ZNF165: variants seen among roughly 807,000 people sequenced by gnomAD.
The protein encoded by ZNF165 is zinc finger protein 165.
Under a neutral mutation model 19.6 loss-of-function variants are expected in ZNF165, and 14 were observed. That is an observed-to-expected ratio of 0.71 (90% CI 0.47 to 1.12). The LOEUF (loss-of-function observed/expected upper bound fraction) is 1.12. Ranked by LOEUF, ZNF165 falls within the 50% of genes most tolerant of loss-of-function variation. ZNF165 has a pLI of 0.00. For synonymous variants in ZNF165, 165 were observed against 195.0 expected (o/e 0.85, Z 1.28); for missense variants, 504 against 566.3 (o/e 0.89, Z 1.12).
intron 1 of ZNF165, among the ~76,000 whole-genome samples, chr6:28,082,708 T>C (rs1002758034): frequency 6.6e-6 from 1 of 152,260 alleles, no homozygotes; most frequent in East Asian, 1.9e-4. Flanking sequence ...GCAGAGATTT[T>C]GTTCATGGCC....
At chr6:28,082,492 A>G (rs1344127702) in intron 1 of ZNF165, among the ~76,000 whole-genome samples, 1 of 152,244 alleles carries the variant, frequency 6.6e-6, no homozygotes, top group Non-Finnish European at 1.5e-5. Context: ...TACTGAAAGT[A>G]TTCCTTACGG....
chr6:28,084,905 T>A (rs1190488751), intron 1 of ZNF165, among the ~76,000 whole-genome samples: 1 of 152,240 alleles, frequency 6.6e-6, no homozygotes, highest in Non-Finnish European at 1.5e-5. Flanking sequence ...AATTTTCTTA[T>A]ACAAACCTAC....
Position 28,086,303 on chromosome 6 carries a change from G to A in ZNF165, c.543G>A (p.Trp181Ter), listed in dbSNP as rs759521504. 1.2e-6 allele frequency: 2 copies of A among 1,613,050 alleles called. No individual in the cohort carries two copies. Among genetic ancestry groups the A allele is most frequent in the Non-Finnish European group, 1.7e-6 (2 of 1,179,706 alleles). Reference sequence around the variant, plus strand: ...ATTCATCAGAACCCCAGCTCCTATGGGACTGTGGTGAGGGGCAGAATGCCA... The same window carrying A: ...ATTCATCAGAACCCCAGCTCCTATGAGACTGTGGTGAGGGGCAGAATGCCA... The part of the protein sequence containing the change: ...HFDSSEPQLL[W>*]DCDNESENSR... Residue 181 changes from tryptophan to a stop codon, truncating the protein, a stop_gained, in exon 3 of 4, where the codon TGG becomes TGA. Transcript: ENST00000683778. LOFTEE classifies it low-confidence loss of function (END_TRUNC).
At chr6:28,088,401 T>C (rs1207425041) in intron 3 of ZNF165, among the ~76,000 whole-genome samples, 162 bp from the exon 4 acceptor site, 1 of 152,256 alleles carries the variant, frequency 6.6e-6, no homozygotes, top group Non-Finnish European at 1.5e-5. Context: ...CTCTTACCAA[T>C]GTTTCTTTCA....
In ZNF165 at chr6:28,088,991, A is replaced by C; in HGVS notation, c.979A>C (p.Lys327Gln). The C allele has an allele frequency of 6.2e-7, 1 of 1,614,208 alleles. No homozygotes were observed. Among genetic ancestry groups the C allele is most frequent in the Non-Finnish European group, 8.5e-7 (1 of 1,180,006 alleles). The change falls in exon 4 of 4, where the codon AAG becomes CAG. Residue 327 changes from lysine to glutamine, a missense_variant. By Grantham distance (53) the Lys-to-Gln change is moderately conservative. Coordinates refer to ENST00000683778, the MANE Select transcript of ZNF165 (RefSeq NM_001376491.1). ...EKNHQYGKSF[K>Q]SPKLAKHAAV... The stretch of plus-strand genomic sequence containing the variant: ...AAATCACCAATATGGAAAATCTTTC[A>C]AGAGCCCAAAACTTGCTAAACATGC...
In ZNF165 at chr6:28,089,192, C is replaced by T. The variant is rs145435110; in HGVS notation, c.1180C>T (p.His394Tyr). ...SSDLTRHRRI[H>Y]TGERPFGCKE... ...AGATCTTACTAGACATCGGCGAATT[C>T]ACACTGGGGAAAGACCCTTTGGTTG... Residue 394 changes from histidine (H) to tyrosine (Y), a missense_variant, in exon 4 of 4, where the codon CAC becomes TAC. Physicochemically the swap from His to Tyr is moderately conservative, Grantham distance 83. Transcript: ENST00000683778. 7.1e-5 allele frequency: 114 copies of T among 1,614,210 alleles called. No homozygotes were observed. The highest frequency in any genetic ancestry group is 6.6e-4 in the Middle Eastern group (4 of 6,062).
chr6:28,086,724 A>G (rs757229055), intron 3 of ZNF165, among the ~76,000 whole-genome samples: 24 of 152,126 alleles, frequency 1.6e-4, no homozygotes, highest in South Asian at 2.1e-4. Flanking sequence ...GGAAAAAAAA[A>G]AGAGAGAGAG....
intron 1 of ZNF165, 110 bp from the exon 2 acceptor site, chr6:28,085,370 TG>T: frequency 2.7e-6 from 3 of 1,115,912 alleles, no homozygotes; most frequent in Non-Finnish European, 3.8e-6. Context: ...TTTTATTATG[TG>T]GTCTTTCATC....
intron 3 of ZNF165, 104 bp from the exon 4 acceptor site, chr6:28,088,459 A>G (rs908546252): frequency 1.3e-4 from 115 of 907,946 alleles, no homozygotes; most frequent in Admixed American, 2.7e-4. Flanking sequence ...GTGAAAGGTC[A>G]TATATTAAAG....
Position 28,089,126 on chromosome 6 carries a change from T to A in ZNF165, c.1114T>A (p.Tyr372Asn). The A allele has an allele frequency of 6.2e-7, 1 of 1,614,178 alleles. No individual in the cohort carries two copies. Among genetic ancestry groups the A allele is most frequent in the Non-Finnish European group, 8.5e-7 (1 of 1,180,012 alleles). ...GAGAATCCACACTGGAGAGAGATGC[T>A]ATGAATGTAATGAATGTGGGAAAAG... ...HQRIHTGERC[Y>N]ECNECGKSFA... Residue 372 changes from tyrosine (Y) to asparagine (N), a missense_variant, in exon 4 of 4, where the codon TAT (tyrosine) becomes AAT (asparagine). By Grantham distance (143) the Tyr-to-Asn change is moderately radical. Coordinates refer to ENST00000683778, the MANE Select transcript of ZNF165 (RefSeq NM_001376491.1).
chr6:28,086,050 T>A, intron 2 of ZNF165, 122 bp from the exon 3 acceptor site: 1 of 1,507,480 alleles, frequency 6.6e-7, no homozygotes, highest in South Asian at 1.3e-5. Context: ...CATTTTACAA[T>A]TAAATCAGAC....
chr6:28,086,345 A>C, intron 3 of ZNF165, 35 bp downstream of exon 3: 1 of 1,581,396 alleles, frequency 6.3e-7, no homozygotes, highest in East Asian at 2.3e-5. Context: ...GCACATCACT[A>C]AAGAAACAGG....
At chr6:28,082,621 G>A (rs1363181558) in intron 1 of ZNF165, among the ~76,000 whole-genome samples, 6 of 152,236 alleles carry the variant, frequency 3.9e-5, no homozygotes, top group Non-Finnish European at 8.8e-5. Context: ...TGGGCCAGGT[G>A]TTCCTTGCCC....
chr6:28,084,982 C>T (rs1466011555), intron 1 of ZNF165, among the ~76,000 whole-genome samples: 3 of 152,116 alleles, frequency 2.0e-5, no homozygotes, highest in Non-Finnish European at 2.9e-5. Context: ...TTTCTCTGTT[C>T]GTAATTTCCT....
intron 1 of ZNF165, among the ~76,000 whole-genome samples, chr6:28,085,280 G>T (rs1764249022): frequency 6.6e-6 from 1 of 152,092 alleles, no homozygotes; most frequent in African/African-American, 2.4e-5. Flanking sequence ...ATTAACAGTT[G>T]TATTCTAGAA....
intron 1 of ZNF165, 76 bp from the exon 2 acceptor site, chr6:28,085,405 T>C (rs926235423): frequency 6.9e-7 from 1 of 1,450,068 alleles, no homozygotes; most frequent in African/African-American, 1.4e-5. Flanking sequence ...ATAGTAACTT[T>C]TGATCCCTCA....
At chr6:28,086,037 C>T in intron 2 of ZNF165, 135 bp from the exon 3 acceptor site, 2 of 1,491,870 alleles carry the variant, frequency 1.3e-6, no homozygotes, top group Non-Finnish European at 1.8e-6. Context: ...TGATTCCACA[C>T]TACATTTTAC....
At chr6:28,088,446 CAT>C (rs1464151061) in intron 3 of ZNF165, 115 bp from the exon 4 acceptor site, 4 of 810,452 alleles carry the variant, frequency 4.9e-6, no homozygotes, top group Non-Finnish European at 7.6e-6. Context: ...TCATTCCTCT[CAT>C]GTGAAAGGTC....
rs35027728 is a variant in ZNF165 at position 28,088,868 on chromosome 6, T to G, written c.856T>G (p.Phe286Val). 37,218 of 1,614,124 alleles carry G rather than the reference T, an allele frequency of 0.023. 618 individuals carry two copies. Among genetic ancestry groups the G allele is most frequent in the East Asian group, 0.069 (3,117 of 44,878 alleles). Residue 286 changes from phenylalanine (F) to valine (V), a missense_variant, in exon 4 of 4, where the codon TTC (phenylalanine) becomes GTC (valine). Phe to Val is a conservative substitution (Grantham distance 50). Transcript: ENST00000683778. ...ERRLNLNSNE[F>V]THQKSCKHGT... ...GAGATTAAATCTGAACTCAAATGAA[T>G]TCACACACCAGAAATCTTGTAAACA...
Sources: allele counts gnomAD v4.1 joint callset (sites outside exome capture counted in the v4.1 genomes callset), GRCh38; gene constraint gnomAD v4.1.1; transcripts MANE v1.5; gene names NCBI Gene and HGNC (gene_info 2026-07-23, HGNC 2026-07-21).